Variants in TEKT5 observed in about 807,000 individuals in gnomAD.
TEKT5 encodes tektin 5, also known as tektin-5.
In TEKT5, 52 loss-of-function variants were observed where a neutral mutation model predicts 48.7. The ratio of observed to expected loss-of-function variants is 1.07; its 90% CI spans 0.86 to 1.35. The LOEUF (loss-of-function observed/expected upper bound fraction) is 1.35, where lower values mean the gene tolerates loss of function less well. TEKT5 is among the 40% of genes most tolerant of loss of function. The probability of loss-of-function intolerance (pLI) is 0.00; values close to 1 mark genes in which losing one functional copy is unlikely to be tolerated. For synonymous variants in TEKT5, 318 were observed against 267.6 expected (o/e 1.19, Z -1.84); for missense variants, 831 against 641.6 (o/e 1.30, Z -3.19).
intron 5 of TEKT5, among the ~76,000 whole-genome samples, chr16:10,642,020 C>A (rs1237536318): frequency 1.3e-5 from 2 of 152,204 alleles, no homozygotes; most frequent in Non-Finnish European, 2.9e-5. Flanking sequence ...AGGGGCTGGC[C>A]GCAGGCTGGC....
intron 5 of TEKT5, among the ~76,000 whole-genome samples, chr16:10,649,852 A>T (rs1012066213): frequency 1.8e-4 from 27 of 152,338 alleles, no homozygotes; most frequent in African/African-American, 6.0e-4. Flanking sequence ...CTTGGTACGT[A>T]GATAATGCAG....
intron 5 of TEKT5, among the ~76,000 whole-genome samples, chr16:10,642,898 G>A (rs963923516): frequency 1.3e-5 from 2 of 152,140 alleles, no homozygotes; most frequent in Admixed American, 6.5e-5. Context: ...AGCGAGGTGG[G>A]AGGAATAAGT....
intron 3 of TEKT5, among the ~76,000 whole-genome samples, chr16:10,682,371 A>C (rs1898772369): frequency 6.6e-6 from 1 of 151,672 alleles, no homozygotes; most frequent in South Asian, 2.1e-4. Context: ...TCTGTCACCC[A>C]GGTTGGAGTG....
At chr16:10,672,848 GT>G (rs537879870) in intron 5 of TEKT5, among the ~76,000 whole-genome samples, 395 of 147,034 alleles carry the variant, frequency 2.7e-3, no homozygotes, top group Non-Finnish European at 4.5e-3. Context: ...TTTTGTTTTT[GT>G]TTTTTTTTGT....
chr16:10,694,171 A>G, intron 1 of TEKT5, 139 bp downstream of exon 1: 1 of 749,256 alleles, frequency 1.3e-6, no homozygotes, highest in East Asian at 2.5e-5. Flanking sequence ...CTAAGATTGT[A>G]TTACTGATCG....
At chr16:10,660,828 G>A (rs1898357045) in intron 5 of TEKT5, among the ~76,000 whole-genome samples, 1 of 151,978 alleles carries the variant, frequency 6.6e-6, no homozygotes, top group African/African-American at 2.4e-5. Context: ...AGCCTCCTGG[G>A]TAGCTGGGAT....
chr16:10,693,726 C>A (rs561350717), intron 1 of TEKT5, among the ~76,000 whole-genome samples: 1 of 152,170 alleles, frequency 6.6e-6, no homozygotes, highest in Non-Finnish European at 1.5e-5. Context: ...CCCATGCCTG[C>A]AATCCCAGCA....
rs369228977 is a variant in TEKT5, at chr16:10,682,109, C to A, written c.747G>T (p.Leu249=). 5 of 1,614,168 alleles carry A rather than the reference C, an allele frequency of 3.1e-6. No homozygotes were observed. Among genetic ancestry groups the A allele is most frequent in the Non-Finnish European group, 4.2e-6 (5 of 1,180,024 alleles). ...MRDNRDAQHV[L]ERDLEDKSSA... is the part of the protein sequence containing the mutation. ...AGCTTTTGTCTTCGAGGTCCCTCTC[C>A]AGCACGTGCTGAGCATCCCGGTTAT... The change falls in exon 4 of 7, where the codon CTG becomes CTT. Residue 249 remains leucine (L), a synonymous_variant. Transcript: ENST00000283025.
chr16:10,647,627 C>A (rs1445923810), intron 5 of TEKT5, among the ~76,000 whole-genome samples: 2 of 149,396 alleles, frequency 1.3e-5, no homozygotes, highest in Non-Finnish European at 3.0e-5. Context: ...CCTGAGCCCA[C>A]CTTGTCTCTT....
At chr16:10,665,173 A>AGC (rs1898437241) in intron 5 of TEKT5, among the ~76,000 whole-genome samples, 1 of 152,200 alleles carries the variant, frequency 6.6e-6, no homozygotes, top group South Asian at 2.1e-4. Flanking sequence ...GTCCCATGCT[A>AGC]GCAAGCAGAC....
chr16:10,637,603 C>T (rs1033482454), intron 5 of TEKT5, among the ~76,000 whole-genome samples: 1 of 151,558 alleles, frequency 6.6e-6, no homozygotes, highest in African/African-American at 2.4e-5. Context: ...CAGGCAAGAG[C>T]CTGCTAAGGT....
intron 5 of TEKT5, among the ~76,000 whole-genome samples, chr16:10,674,900 G>A (rs1310147087): frequency 6.6e-6 from 1 of 150,954 alleles, no homozygotes; most frequent in Admixed American, 6.6e-5. Context: ...TTGGCTCACT[G>A]CAACCTCTGC....
intron 5 of TEKT5, among the ~76,000 whole-genome samples, chr16:10,637,903 A>G (rs80174308): frequency 0.052 from 7,871 of 152,230 alleles, 584 homozygotes; most frequent in African/African-American, 0.17. Flanking sequence ...CTCGACCTCC[A>G]GGGCTCAAAT....
chr16:10,645,157 G>T (rs1898051639), intron 5 of TEKT5, among the ~76,000 whole-genome samples: 1 of 152,118 alleles, frequency 6.6e-6, no homozygotes, highest in African/African-American at 2.4e-5. Flanking sequence ...GGTTATAGTA[G>T]CATGAATGCA....
chr16:10,666,790 C>T (rs924247513), intron 5 of TEKT5, among the ~76,000 whole-genome samples: 11 of 152,150 alleles, frequency 7.2e-5, no homozygotes, highest in Non-Finnish European at 1.0e-4. Flanking sequence ...CCTGGTCATC[C>T]CTCCATCAGG....
intron 5 of TEKT5, among the ~76,000 whole-genome samples, chr16:10,672,935 C>T (rs1007938654): frequency 6.6e-6 from 1 of 151,626 alleles, no homozygotes; most frequent in Non-Finnish European, 1.5e-5. Flanking sequence ...CAGCTCACTG[C>T]AGCCTCCACC....
chr16:10,635,984 G>A (rs558181806), intron 5 of TEKT5, 66 bp from the exon 6 acceptor site: 6 of 1,581,166 alleles, frequency 3.8e-6, no homozygotes, highest in Non-Finnish European at 5.1e-6. Context: ...CTGGGGGCCT[G>A]GGGGGAGCAA....
At chr16:10,629,722 G>A (rs1216634710) in intron 6 of TEKT5, among the ~76,000 whole-genome samples, 1 of 151,898 alleles carries the variant, frequency 6.6e-6, no homozygotes, top group East Asian at 1.9e-4. Context: ...CAGCCAATCT[G>A]AGCTATCTCA....
At position 10,640,236 on chromosome 16, in the gene TEKT5, G is replaced by A. The variant is rs375508695; in HGVS notation, c.1087-4318C>T. 4.3e-3 allele frequency among the ~76,000 whole-genome samples: 636 copies of A among 149,074 alleles called. 5 individuals are homozygous for A. Among genetic ancestry groups the A allele is most frequent in the Middle Eastern group, 0.014 (4 of 290 alleles). On this transcript the variant is annotated intron_variant, in intron 5 of 6. Transcript: ENST00000283025. The stretch of plus-strand genomic sequence containing the variant: ...TGGCTCACTGCAACCTCTGCCTCCC[G>A]GGCTCCAGTGATCCTCTCACCTCAG...
Sources: gnomAD v4.1 joint callset for allele counts (sites outside exome capture counted in the v4.1 genomes callset) on GRCh38, gnomAD v4.1.1 for gene constraint, MANE v1.5 for transcripts, NCBI Gene and HGNC (gene_info 2026-07-23, HGNC 2026-07-21) for gene names.